Variants in PIK3CG observed in about 807,000 individuals in gnomAD.
PIK3CG encodes the protein phosphatidylinositol 4,5-bisphosphate 3-kinase catalytic subunit gamma isoform.
Under a neutral mutation model 102.3 loss-of-function variants are expected in PIK3CG, and 55 were observed. The observed-to-expected ratio is 0.54, with a 90% CI of 0.43 to 0.67. The LOEUF (loss-of-function observed/expected upper bound fraction) is 0.67, where lower values mean the gene tolerates loss of function less well. Among genes scored for constraint, PIK3CG ranks in the 30% least tolerant of loss-of-function variants. PIK3CG has a pLI of 0.00. For synonymous variants in PIK3CG, 552 were observed against 540.0 expected, an observed-to-expected ratio of 1.02 and a Z score of -0.31; for missense variants, 1,258 against 1,391.8, an observed-to-expected ratio of 0.90 and a Z score of 1.53.
intron 10 of PIK3CG, among the ~76,000 whole-genome samples, chr7:106,887,649 T>C (rs886431878): frequency 6.6e-6 from 1 of 152,174 alleles, no homozygotes; most frequent in Non-Finnish European, 1.5e-5. Context: ...ATAAACTCAA[T>C]TGAGTTTCAG....
In PIK3CG at chr7:106,867,963, G is replaced by A. The variant is rs148248825; in HGVS notation, c.402G>A (p.Gln134=). 243 of 1,612,548 alleles carry A rather than the reference G, an allele frequency of 1.5e-4. 2 individuals carry two copies. Among genetic ancestry groups the A allele is most frequent in the Admixed American group, 1.5e-4 (9 of 59,994 alleles). Residue 134 remains glutamine (Q), a synonymous_variant, in exon 2 of 11, where the codon CAG becomes CAA. Coordinates refer to ENST00000496166, the MANE Select transcript of PIK3CG (RefSeq NM_001282426.2). The surrounding 1 kb of genome is among the most constrained non-coding windows in gnomAD (Gnocchi z 5.1). ...YWKATHRSPG[Q]IHLVQRHPPS... ...AGGCCACGCACCGGAGCCCGGGCCA[G>A]ATCCACCTGGTGCAGCGGCACCCGC...
chr7:106,882,255 A>G, intron 7 of PIK3CG, 48 bp downstream of exon 7: 1 of 866,618 alleles, frequency 1.2e-6, no homozygotes, highest in Non-Finnish European at 1.8e-6. Flanking sequence ...CTCGTTTGAA[A>G]AGATTATAAT....
chr7:106,879,329 T>A lies in PIK3CG; in HGVS notation c.2392-190T>A, dbSNP rs1053430303. Reference sequence around the variant, plus strand: ...AGGCACTGGTTTAAGAGTTGTGAATTCGCTCTCACATGGCATTTCCAGATT... The same window carrying A: ...AGGCACTGGTTTAAGAGTTGTGAATACGCTCTCACATGGCATTTCCAGATT... On this transcript the variant is annotated intron_variant, in intron 5 of 10. Coordinates refer to ENST00000496166, the MANE Select transcript of PIK3CG (RefSeq NM_001282426.2). The surrounding 1 kb of genome is among the most constrained non-coding windows in gnomAD (Gnocchi z 4.9). 1.3e-5 allele frequency among the ~76,000 whole-genome samples: 2 copies of A among 152,206 alleles called. No individual in the cohort carries two copies. The highest frequency in any genetic ancestry group is 1.5e-5 in the Non-Finnish European group (1 of 68,040).
At position 106,868,917 on chromosome 7, in the gene PIK3CG, T is replaced by G. The variant is rs2116453235; in HGVS notation, c.1356T>G (p.Ser452=). The G allele has an allele frequency of 1.2e-6, 2 of 1,614,214 alleles. No individual in the cohort carries two copies. Among genetic ancestry groups the G allele is most frequent in the Non-Finnish European group, 1.7e-6 (2 of 1,180,028 alleles). The part of the protein sequence containing the change: ...SSKASAESPS[S]ESKGKVQLLY... ...AGGCCTCTGCAGAGTCCCCCAGTTC[T>G]GAGTCCAAGGGCAAAGTTCAGCTTC... The change falls in exon 2 of 11, where the codon TCT becomes TCG. Residue 452 remains serine (S), a synonymous_variant. Coordinates refer to ENST00000496166, the MANE Select transcript of PIK3CG (RefSeq NM_001282426.2). The surrounding 1 kb of genome is among the most constrained non-coding windows in gnomAD (Gnocchi z 6.2).
rs1790879427 is a variant in PIK3CG at position 106,879,784 on chromosome 7, C to T, written c.2538+119C>T. On this transcript the variant is annotated intron_variant, in intron 6 of 10. Coordinates refer to ENST00000496166, the MANE Select transcript of PIK3CG (RefSeq NM_001282426.2). This position sits in a 1 kb window ranked among gnomAD's most constrained non-coding sequence, Gnocchi z 4.9. Reference sequence around the variant, plus strand: ...CTTCTTTCAAGTGATGAATTGTGATCAAATATTACATCATAGAGAGTTTTC... The same window carrying T: ...CTTCTTTCAAGTGATGAATTGTGATTAAATATTACATCATAGAGAGTTTTC... 1.3e-6 allele frequency: 1 copy of T among 747,282 alleles called. No homozygotes were observed. The highest frequency in any genetic ancestry group is 2.8e-5 in the Admixed American group (1 of 35,898). The allele number at this position is 747,282 out of a possible 1,614,324, so 46.3% of individuals were successfully genotyped here. A position where few individuals can be genotyped will look rare whatever the true frequency, so the allele number is the denominator to read the frequency against.
At chr7:106,885,912 T>C (rs902674176) in intron 9 of PIK3CG, among the ~76,000 whole-genome samples, 6 of 152,196 alleles carry the variant, frequency 3.9e-5, no homozygotes, top group Non-Finnish European at 4.4e-5. Context: ...CTGGCTGTCA[T>C]CTAAAGAACA....
Position 106,874,027 on chromosome 7 carries a change from AT to A in PIK3CG, c.2288-669del, listed in dbSNP as rs1372169419. 2.0e-5 allele frequency among the ~76,000 whole-genome samples: 3 copies of A among 152,182 alleles called. No individual in the cohort carries two copies. Among genetic ancestry groups the A allele is most frequent in the Non-Finnish European group, 4.4e-5 (3 of 68,040 alleles). On this transcript the variant is annotated intron_variant, in intron 4 of 10. Coordinates refer to ENST00000496166, the MANE Select transcript of PIK3CG (RefSeq NM_001282426.2). The surrounding 1 kb of genome is among the most constrained non-coding windows in gnomAD (Gnocchi z 4.3). Reference sequence around the variant, plus strand: ...TAGACACTTCATGTACTCAACCAGTATTTTAAACTCCTGAATATTTAAAATT... The same window carrying A: ...TAGACACTTCATGTACTCAACCAGTATTTAAACTCCTGAATATTTAAAATT...
At chr7:106,866,713 T>C (rs1431700419) in intron 1 of PIK3CG, among the ~76,000 whole-genome samples, 1 of 152,238 alleles carries the variant, frequency 6.6e-6, no homozygotes, top group Non-Finnish European at 1.5e-5. Flanking sequence ...TGCCCTAATA[T>C]AGCAGTGACA....
rs1432497167 is a variant in PIK3CG at position 106,874,203 on chromosome 7, T to C, written c.2288-497T>C. 1.3e-5 allele frequency among the ~76,000 whole-genome samples: 2 copies of C among 152,234 alleles called. No homozygotes were observed. The highest frequency in any genetic ancestry group is 2.9e-5 in the Non-Finnish European group (2 of 68,034). ...ATTTTTAATTCACATATTTTGCCTT[T>C]AGAATTTTAAGGCTGTCACATCCAT... On this transcript the variant is annotated intron_variant, in intron 4 of 10. Coordinates refer to ENST00000496166, the MANE Select transcript of PIK3CG (RefSeq NM_001282426.2). This position sits in a 1 kb window ranked among gnomAD's most constrained non-coding sequence, Gnocchi z 4.3.
chr7:106,871,759 TTTAA>T (rs1790536873), intron 2 of PIK3CG, among the ~76,000 whole-genome samples: 1 of 152,244 alleles, frequency 6.6e-6, no homozygotes, highest in Non-Finnish European at 1.5e-5. Context: ...ACTCACAAGA[TTTAA>T]TTGTGTTTTT....
Position 106,872,819 on chromosome 7 carries a change from G to C in PIK3CG, c.2168G>C (p.Gly723Ala), listed in dbSNP as rs201158285. 1 of 1,614,104 alleles carries C rather than the reference G, an allele frequency of 6.2e-7. No individual in the cohort carries two copies. Among genetic ancestry groups the C allele is most frequent in the Non-Finnish European group, 8.5e-7 (1 of 1,179,960 alleles). Residue 723 changes from glycine (G) to alanine (A), a missense_variant, in exon 4 of 11, where the codon GGC becomes GCC. Coordinates refer to ENST00000496166, the MANE Select transcript of PIK3CG (RefSeq NM_001282426.2). The surrounding 1 kb of genome is among the most constrained non-coding windows in gnomAD (Gnocchi z 5.3). ...GTGATTCTGGAAGCCTATCTGAGGG[G>C]CTGTGGCACAGCCATGCTGCACGAC... ...FAVILEAYLRGCGTAMLHDFT... is the reference protein window; with the variant it reads ...FAVILEAYLRACGTAMLHDFT...
At position 106,868,305 on chromosome 7, in the gene PIK3CG, C is replaced by G; in HGVS notation, c.744C>G (p.Phe248Leu). The change falls in exon 2 of 11, where the codon TTC becomes TTG. Residue 248 changes from phenylalanine (F) to leucine (L), a missense_variant. Phe to Leu is a conservative substitution (Grantham distance 22). This residue lies in a region of PIK3CG where 832 missense variants were observed against 787.5 expected (regional missense o/e 1.06). Coordinates refer to ENST00000496166, the MANE Select transcript of PIK3CG (RefSeq NM_001282426.2). The surrounding 1 kb of genome is among the most constrained non-coding windows in gnomAD (Gnocchi z 6.2). Reference sequence around the variant, plus strand: ...CCCCCGGCGCCATCCTGCAGAGCTTCTTCACCAAGATGGCCAAGAAGAAAT... The same window carrying G: ...CCCCCGGCGCCATCCTGCAGAGCTTGTTCACCAAGATGGCCAAGAAGAAAT... ...DDTPGAILQS[F>L]FTKMAKKKSL... 6.2e-7 allele frequency: 1 copy of G among 1,614,228 alleles called. No individual in the cohort carries two copies. Among genetic ancestry groups the G allele is most frequent in the African/African-American group, 1.3e-5 (1 of 75,078 alleles).
At chr7:106,876,370 C>A (rs1289737666) in intron 5 of PIK3CG, among the ~76,000 whole-genome samples, 2 of 150,554 alleles carry the variant, frequency 1.3e-5, no homozygotes, top group Non-Finnish European at 3.0e-5. Flanking sequence ...TCAAATATTT[C>A]ACCAGTTTTT....
At position 106,868,906 on chromosome 7, in the gene PIK3CG, T is replaced by C; in HGVS notation, c.1345T>C (p.Ser449Pro). 6.2e-7 allele frequency: 1 copy of C among 1,614,086 alleles called. No homozygotes were observed. Among genetic ancestry groups the C allele is most frequent in the Non-Finnish European group, 8.5e-7 (1 of 1,180,020 alleles). Residue 449 changes from serine to proline, a missense_variant, in exon 2 of 11, where the codon TCC becomes CCC. By Grantham distance (74) the Ser-to-Pro change is moderately conservative (BLOSUM62 -1). Coordinates refer to ENST00000496166, the MANE Select transcript of PIK3CG (RefSeq NM_001282426.2). The surrounding 1 kb of genome is among the most constrained non-coding windows in gnomAD (Gnocchi z 6.2). ...ACTGTCCAGCAAGGCCTCTGCAGAG[T>C]CCCCCAGTTCTGAGTCCAAGGGCAA... Reference protein sequence around the residue: ...PALSSKASAESPSSESKGKVQ... With the variant: ...PALSSKASAEPPSSESKGKVQ...
Position 106,908,400 on chromosome 7 carries a change from C to T in PIK3CG, c.*3013C>T, listed in dbSNP as rs929191846. On this transcript the variant is annotated 3_prime_UTR_variant, in exon 11 of 11. Transcript: ENST00000496166. This position sits in a 1 kb window ranked among gnomAD's most constrained non-coding sequence, Gnocchi z 4.1. ...GTCAAAATGTTCCTTCTGTTCAAAT[C>T]GAAATACCTCATCTCTATGGCTCTA... Among the ~76,000 whole-genome samples, 4 of 152,148 alleles carry T rather than the reference C, an allele frequency of 2.6e-5. No homozygotes were observed. Among genetic ancestry groups the T allele is most frequent in the African/African-American group, 7.2e-5 (3 of 41,438 alleles).
chr7:106,881,965 A>G, intron 6 of PIK3CG, 152 bp from the exon 7 acceptor site: 1 of 349,138 alleles, frequency 2.9e-6, no homozygotes, highest in Non-Finnish European at 5.0e-6. Context: ...AGAGTACCAG[A>G]TTGACCAATA....
At position 106,880,661 on chromosome 7, in the gene PIK3CG, A is replaced by G. The variant is rs1210679389; in HGVS notation, c.2538+996A>G. On this transcript the variant is annotated intron_variant, in intron 6 of 10. Transcript: ENST00000496166. This position sits in a 1 kb window ranked among gnomAD's most constrained non-coding sequence, Gnocchi z 4.2. ...GAGTGAAAGTTTGCCTTTGCCCTTTATGTACTTTGTGGTTTTGTTTTTTTT... is the reference window on the plus strand; with the variant it reads ...GAGTGAAAGTTTGCCTTTGCCCTTTGTGTACTTTGTGGTTTTGTTTTTTTT... Among the ~76,000 whole-genome samples the G allele has an allele frequency of 6.6e-6, 1 of 151,956 alleles. No homozygotes were observed. Among genetic ancestry groups the G allele is most frequent in the African/African-American group, 2.4e-5 (1 of 41,372 alleles).
rs1791579451 is a variant in PIK3CG, at chr7:106,902,314, C to G, written c.3031-2795C>G. On this transcript the variant is annotated intron_variant, in intron 10 of 10. Coordinates refer to ENST00000496166, the MANE Select transcript of PIK3CG (RefSeq NM_001282426.2). The surrounding 1 kb of genome is among the most constrained non-coding windows in gnomAD (Gnocchi z 4.3). ...ACACACTGGCCTCCTCTCCTTGGGT[C>G]AGCTGCAGCTTGCTGGAGGTGTAAA... 6.6e-6 allele frequency among the ~76,000 whole-genome samples: 1 copy of G among 152,108 alleles called. No individual in the cohort carries two copies.
intron 5 of PIK3CG, among the ~76,000 whole-genome samples, chr7:106,875,461 A>T (rs2116503266): frequency 6.6e-6 from 1 of 152,150 alleles, no homozygotes; most frequent in Admixed American, 6.5e-5. Flanking sequence ...TAGACATGTT[A>T]CAGAAAAAGT....
Sources: allele counts gnomAD v4.1 joint callset (sites outside exome capture counted in the v4.1 genomes callset), GRCh38; gene constraint gnomAD v4.1.1; regional missense constraint gnomAD v4.1.1; non-coding constraint Gnocchi (gnomAD v3.1); transcripts MANE v1.5; gene names NCBI Gene and HGNC (gene_info 2026-07-23, HGNC 2026-07-21).